MAML2: variants seen among roughly 807,000 people sequenced by gnomAD.
MAML2 encodes mastermind-like protein 2.
MAML2 carries 22 observed loss-of-function variants against 96.1 expected under a neutral mutation model. The ratio of observed to expected loss-of-function variants is 0.23; its 90% CI spans 0.16 to 0.33. The LOEUF (loss-of-function observed/expected upper bound fraction) is 0.33. Ranked by LOEUF, MAML2 falls within the 10% of genes least tolerant of loss-of-function variation. MAML2 has a pLI of 1.00. For missense variants in MAML2, 1,367 were observed against 1,392.4 expected (o/e 0.98, Z 0.29); for synonymous variants, 561 against 521.3 (o/e 1.08, Z -1.04).
chr11:96,072,373 T>C (rs1859360388), intron 2 of MAML2, among the ~76,000 whole-genome samples: 1 of 152,176 alleles, frequency 6.6e-6, no homozygotes, highest in South Asian at 2.1e-4. Context: ...TACAAATGGA[T>C]CCAGCATTGA....
intron 2 of MAML2, among the ~76,000 whole-genome samples, chr11:95,994,600 G>A (rs142383286): frequency 0.012 from 1,823 of 152,228 alleles, 25 homozygotes; most frequent in Middle Eastern, 0.044. Flanking sequence ...TCAGGGAAGC[G>A]TAAAGACAGC....
rs1403552879 is a variant in MAML2, at chr11:96,192,431, G to GAGCCCA, written c.514-98915_514-98914insTGGGCT. ...GAGCCCATCAGGTGCAGAATGCTAG[G>GAGCCCA]TCAGGAGTTAATATCACTGGGACAC... On this transcript the variant is annotated intron_variant, in intron 1 of 4. Coordinates refer to ENST00000524717, the MANE Select transcript of MAML2 (RefSeq NM_032427.4). Among the ~76,000 whole-genome samples, 8 of 152,256 alleles carry GAGCCCA rather than the reference G, an allele frequency of 5.3e-5. No individual in the cohort carries two copies. The East Asian group carries it at 1.5e-3, about 29-fold the overall frequency.
chr11:96,103,643 T>G (rs1232597614), intron 1 of MAML2, among the ~76,000 whole-genome samples: 1 of 152,206 alleles, frequency 6.6e-6, no homozygotes, highest in Non-Finnish European at 1.5e-5. Context: ...CCAACATCAA[T>G]GGGTATGAAA....
intron 1 of MAML2, among the ~76,000 whole-genome samples, chr11:96,173,444 C>T (rs567000076): frequency 3.9e-5 from 6 of 152,242 alleles, no homozygotes; most frequent in African/African-American, 7.2e-5. Context: ...GGGCAGAAAT[C>T]GGGTCCATCC....
chr11:96,157,521 C>G (rs1043486900), intron 1 of MAML2, among the ~76,000 whole-genome samples: 1 of 152,244 alleles, frequency 6.6e-6, no homozygotes, highest in African/African-American at 2.4e-5. Flanking sequence ...CTCCCCACCA[C>G]CATTCTTGTC....
chr11:95,983,769 G>T (rs1240690289), intron 4 of MAML2, among the ~76,000 whole-genome samples: 1 of 152,070 alleles, frequency 6.6e-6, no homozygotes, highest in Non-Finnish European at 1.5e-5. Flanking sequence ...AAATATTTTT[G>T]TACAGCTGTA....
intron 3 of MAML2, among the ~76,000 whole-genome samples, chr11:95,988,169 G>A (rs1857858366): frequency 6.6e-6 from 1 of 151,884 alleles, no homozygotes; most frequent in African/African-American, 2.4e-5. Context: ...GAGAGAAAGA[G>A]AGAGATAAAG....
At chr11:96,339,048 T>A (rs1476664445) in intron 1 of MAML2, among the ~76,000 whole-genome samples, 1 of 152,112 alleles carries the variant, frequency 6.6e-6, no homozygotes, top group Admixed American at 6.6e-5. Flanking sequence ...GGAGAGGGAA[T>A]TTCCAACAAC....
chr11:96,070,068 G>A (rs2135787050), intron 2 of MAML2, among the ~76,000 whole-genome samples: 1 of 151,470 alleles, frequency 6.6e-6, no homozygotes, highest in Middle Eastern at 3.4e-3. Context: ...AAGGCAGGTG[G>A]ATCACGAGGT....
chr11:95,994,883 GA>G (rs1330783638), intron 2 of MAML2, among the ~76,000 whole-genome samples: 1 of 152,148 alleles, frequency 6.6e-6, no homozygotes, highest in East Asian at 1.9e-4. Context: ...AAGCTCCGGA[GA>G]TAGGTCCACC....
At chr11:96,160,713 C>A (rs1393841509) in intron 1 of MAML2, among the ~76,000 whole-genome samples, 3 of 152,216 alleles carry the variant, frequency 2.0e-5, no homozygotes, top group Admixed American at 6.5e-5. Context: ...CAAGCGTGAG[C>A]CACTGAGCCC....
At chr11:96,108,293 G>A (rs1002578805) in intron 1 of MAML2, among the ~76,000 whole-genome samples, 7 of 152,212 alleles carry the variant, frequency 4.6e-5, no homozygotes, top group South Asian at 2.1e-4. Context: ...TGTGGTGAGC[G>A]AGAGTAGAAA....
chr11:95,984,809 C>T (rs16922795), intron 4 of MAML2, among the ~76,000 whole-genome samples: 326 of 152,264 alleles, frequency 2.1e-3, no homozygotes, highest in African/African-American at 7.6e-3. Flanking sequence ...AGAGCGTAAA[C>T]TTAACTTACA....
At chr11:96,042,838 G>A (rs1858838585) in intron 2 of MAML2, among the ~76,000 whole-genome samples, 1 of 146,686 alleles carries the variant, frequency 6.8e-6, no homozygotes, top group Non-Finnish European at 1.5e-5. Flanking sequence ...TCCAACTTCT[G>A]GGTTCAAGCA....
intron 1 of MAML2, among the ~76,000 whole-genome samples, chr11:96,165,573 T>A (rs1310028149): frequency 6.6e-6 from 1 of 152,222 alleles, no homozygotes; most frequent in Non-Finnish European, 1.5e-5. Context: ...TATTGAGGTA[T>A]ATTTCACATA....
At chr11:96,290,350 A>G (rs1863192256) in intron 1 of MAML2, among the ~76,000 whole-genome samples, 2 of 152,366 alleles carry the variant, frequency 1.3e-5, no homozygotes, top group South Asian at 4.1e-4. Flanking sequence ...GGCTCATTAA[A>G]TAGTAATTGA....
intron 1 of MAML2, among the ~76,000 whole-genome samples, chr11:96,321,836 C>T (rs1055355123): frequency 6.6e-6 from 1 of 152,192 alleles, no homozygotes; most frequent in African/African-American, 2.4e-5. Flanking sequence ...ATTTCTTCTT[C>T]CCTTCAAATT....
rs376306121 is a variant in MAML2, at chr11:96,235,380, T to A, written c.513+106003A>T. 1.8e-4 allele frequency among the ~76,000 whole-genome samples: 27 copies of A among 152,322 alleles called. No homozygotes were observed. The South Asian group carries it at 5.6e-3, about 32-fold the overall frequency. On this transcript the variant is annotated intron_variant, in intron 1 of 4. Transcript: ENST00000524717. ...GTAGTTGAGTAGCTGCCAATAGTCA[T>A]ATGGTCCACAAAGCCTAAAATATGT...
intron 2 of MAML2, among the ~76,000 whole-genome samples, chr11:96,035,163 T>C (rs1858690755): frequency 6.6e-6 from 1 of 152,134 alleles, no homozygotes; most frequent in African/African-American, 2.4e-5. Flanking sequence ...AATTCTGGAA[T>C]TGTGTGGTAC....
Sources: gnomAD v4.1 joint callset for allele counts (sites outside exome capture counted in the v4.1 genomes callset) on GRCh38, gnomAD v4.1.1 for gene constraint, MANE v1.5 for transcripts, NCBI Gene and HGNC (gene_info 2026-07-23, HGNC 2026-07-21) for gene names.